TTC29: variants seen among roughly 807,000 people sequenced by gnomAD.
TTC29 encodes the protein tetratricopeptide repeat protein 29.
Under a neutral mutation model 58.1 loss-of-function variants are expected in TTC29, and 49 were observed. The ratio of observed to expected loss-of-function variants is 0.84; its 90% confidence interval spans 0.67 to 1.07. The LOEUF (loss-of-function observed/expected upper bound fraction) is 1.07. Ranked by LOEUF, TTC29 falls within the 50% of genes least tolerant of loss-of-function variation. The probability of loss-of-function intolerance (pLI) is 0.00; values close to 1 mark genes in which losing one functional copy is unlikely to be tolerated. For missense variants in TTC29, 582 were observed against 555.6 expected, an observed-to-expected ratio of 1.05 and a Z score of -0.48; for synonymous variants, 209 against 196.8, an observed-to-expected ratio of 1.06 and a Z score of -0.52.
At chr4:146,757,455 A>G (rs1746539572) in intron 11 of TTC29, among the ~76,000 whole-genome samples, 1 of 152,186 alleles carries the variant, frequency 6.6e-6, no homozygotes, top group Admixed American at 6.5e-5. Flanking sequence ...CAAATACAAG[A>G]AGCACAAAGA....
intron 8 of TTC29, among the ~76,000 whole-genome samples, chr4:146,859,563 G>A (rs1730092177): frequency 6.6e-6 from 1 of 152,050 alleles, no homozygotes; most frequent in Non-Finnish European, 1.5e-5. Context: ...TCCCTACTGG[G>A]TTCTATTACG....
Position 146,874,767 on chromosome 4 carries a change from A to G in TTC29, c.748T>C (p.Tyr250His). Residue 250 changes from tyrosine to histidine, a missense_variant, in exon 7 of 13, where the codon TAC becomes CAC. Tyr to His is a moderately conservative substitution (Grantham distance 83, BLOSUM62 2). Transcript: ENST00000325106. ...LSDKMLENKE[Y>H]KQAIKILIKA... ...ATTAGAATTTTGATGGCCTGTTTGT[A>G]TTCTTTATTTTCTAGCATTTTGTCT... 2 of 1,609,608 alleles carry G rather than the reference A, an allele frequency of 1.2e-6. No homozygotes were observed. The highest frequency in any genetic ancestry group is 2.2e-5 in the East Asian group (1 of 44,658).
chr4:146,745,707 A>G (rs1745491063), intron 11 of TTC29, among the ~76,000 whole-genome samples: 2 of 152,186 alleles, frequency 1.3e-5, no homozygotes, highest in African/African-American at 4.8e-5. Flanking sequence ...TGACCACCCC[A>G]CATTGACTCT....
intron 6 of TTC29, among the ~76,000 whole-genome samples, chr4:146,892,273 C>T (rs1294002290): frequency 1.3e-5 from 2 of 152,138 alleles, no homozygotes; most frequent in Non-Finnish European, 2.9e-5. Context: ...TTGTGAGTTT[C>T]CTGAGGCCAC....
intron 11 of TTC29, among the ~76,000 whole-genome samples, chr4:146,759,815 C>T (rs755892613): frequency 1.4e-4 from 22 of 151,978 alleles, no homozygotes; most frequent in Non-Finnish European, 2.8e-4. Context: ...TATGACAAAC[C>T]CATAGCCAAC....
chr4:146,713,707 G>C (rs1418555913), intron 11 of TTC29, among the ~76,000 whole-genome samples: 1 of 151,926 alleles, frequency 6.6e-6, no homozygotes. Context: ...TAAAATTTAT[G>C]CAAAGATCAG....
intron 2 of TTC29, among the ~76,000 whole-genome samples, chr4:146,940,699 A>G (rs1157536646): frequency 6.6e-6 from 1 of 152,208 alleles, no homozygotes; most frequent in Non-Finnish European, 1.5e-5. Context: ...TATCTGCCAG[A>G]ACTCACACAT....
intron 11 of TTC29, among the ~76,000 whole-genome samples, chr4:146,715,796 A>C (rs561149467): frequency 1.3e-5 from 2 of 152,314 alleles, no homozygotes; most frequent in Admixed American, 1.3e-4. Flanking sequence ...AGAAATGATA[A>C]ATGTTTGAGG....
At chr4:146,917,696 A>T (rs1303673763) in intron 4 of TTC29, among the ~76,000 whole-genome samples, 1 of 145,586 alleles carries the variant, frequency 6.9e-6, no homozygotes, top group African/African-American at 2.5e-5. Context: ...TATATTACTT[A>T]TATTAAATTA....
intron 4 of TTC29, among the ~76,000 whole-genome samples, chr4:146,911,005 C>T (rs1181872768): frequency 1.3e-5 from 2 of 152,100 alleles, no homozygotes; most frequent in Non-Finnish European, 2.9e-5. Context: ...AAGTCAACAT[C>T]CTGTGAAATG....
chr4:146,935,002 C>G (rs1163047802), intron 4 of TTC29, among the ~76,000 whole-genome samples: 2 of 151,782 alleles, frequency 1.3e-5, no homozygotes, highest in Non-Finnish European at 2.9e-5. Flanking sequence ...TGGGGTAGAA[C>G]CTGGAAGGGG....
chr4:146,927,377 A>T (rs1164863504), intron 4 of TTC29, among the ~76,000 whole-genome samples: 1 of 152,154 alleles, frequency 6.6e-6, no homozygotes, highest in African/African-American at 2.4e-5. Context: ...TGGTTTAAAA[A>T]TTCATGCTCT....
At chr4:146,885,960 T>A (rs2150240144) in intron 6 of TTC29, among the ~76,000 whole-genome samples, 1 of 152,286 alleles carries the variant, frequency 6.6e-6, no homozygotes, top group East Asian at 1.9e-4. Flanking sequence ...ACTTTCCATA[T>A]TTCATCTTTG....
intron 9 of TTC29, among the ~76,000 whole-genome samples, chr4:146,821,334 A>G (rs892044730): frequency 2.0e-5 from 3 of 152,190 alleles, no homozygotes; most frequent in Non-Finnish European, 2.9e-5. Flanking sequence ...TAGACTTTAA[A>G]TTTTTAAAGT....
intron 8 of TTC29, among the ~76,000 whole-genome samples, chr4:146,844,233 C>T (rs932735233): frequency 2.0e-5 from 3 of 152,144 alleles, no homozygotes; most frequent in African/African-American, 7.2e-5. Flanking sequence ...AAACATCCAA[C>T]AGGCAGATGG....
At chr4:146,895,884 T>G (rs1732733594) in intron 6 of TTC29, among the ~76,000 whole-genome samples, 1 of 152,174 alleles carries the variant, frequency 6.6e-6, no homozygotes, top group Non-Finnish European at 1.5e-5. Flanking sequence ...TTAGCCCATA[T>G]TTTCTACTTG....
At chr4:146,733,117 G>T (rs554429568) in intron 11 of TTC29, among the ~76,000 whole-genome samples, 1 of 152,104 alleles carries the variant, frequency 6.6e-6, no homozygotes, top group East Asian at 1.9e-4. Context: ...TGGGAGATGA[G>T]GTCACAAAAA....
At chr4:146,922,135 A>G (rs1050601397) in intron 4 of TTC29, among the ~76,000 whole-genome samples, 4 of 151,270 alleles carry the variant, frequency 2.6e-5, no homozygotes, top group African/African-American at 4.8e-5. Context: ...TCACATATTT[A>G]GAATTGAAAG....
chr4:146,821,388 A>G (rs1298277178), intron 9 of TTC29, among the ~76,000 whole-genome samples: 1 of 152,194 alleles, frequency 6.6e-6, no homozygotes, highest in East Asian at 1.9e-4. Flanking sequence ...TACAATTGTT[A>G]AAGTCATAAT....
Sources: gnomAD v4.1 joint callset for allele counts (sites outside exome capture counted in the v4.1 genomes callset) on GRCh38, gnomAD v4.1.1 for gene constraint, MANE v1.5 for transcripts, NCBI Gene and HGNC (gene_info 2026-07-23, HGNC 2026-07-21) for gene names.